ALDH1A2: variants seen among roughly 807,000 people sequenced by gnomAD.
The protein encoded by ALDH1A2 is aldehyde dehydrogenase 1 family member A2.
A neutral mutation model predicts 60.3 loss-of-function variants in ALDH1A2; 27 were observed. The ratio of observed to expected loss-of-function variants is 0.45; its 90% CI spans 0.33 to 0.62. ALDH1A2 has a LOEUF of 0.62. ALDH1A2 is among the 20% of genes least tolerant of loss of function. ALDH1A2 has a pLI of 0.02. For synonymous variants in ALDH1A2, 289 were observed against 232.4 expected (o/e 1.24, Z -2.21); for missense variants, 581 against 643.8 (o/e 0.90, Z 1.06).
In ALDH1A2 at chr15:58,065,699, G is replaced by A. The variant is rs749762857; in HGVS notation, c.-49C>T. 1.3e-5 allele frequency: 17 copies of A among 1,336,004 alleles called. No individual in the cohort carries two copies. Among genetic ancestry groups the A allele is most frequent in the Non-Finnish European group, 1.6e-5 (16 of 988,608 alleles). 82.8% of individuals were successfully genotyped at this position (1,336,004 alleles called of 1,614,324 possible). ...CCCGCGGCGTGGGGCAGTGCGGGCT[G>A]TGCGCGCGGTCCGCGGCCCGGGGGC... On this transcript the variant is annotated 5_prime_UTR_variant, in exon 1 of 13. Transcript: ENST00000249750.
chr15:58,051,191 C>T (rs1423952648), intron 1 of ALDH1A2, among the ~76,000 whole-genome samples: 1 of 152,038 alleles, frequency 6.6e-6, no homozygotes, highest in Non-Finnish European at 1.5e-5. Flanking sequence ...CCTCTTACCC[C>T]AGGAACTGGA....
chr15:57,963,931 C>CG lies in ALDH1A2; in HGVS notation c.1039dup (p.Arg347ProfsTer8). 1 of 1,614,144 alleles carries CG rather than the reference C, an allele frequency of 6.2e-7. No homozygotes were observed. The highest frequency in any genetic ancestry group is 8.5e-7 in the Non-Finnish European group (1 of 1,179,998). ...GGGGTCAAAGGGACTCCCCACTACG[C>CG]GCCTCTTGGCCCGCTCCACGCTTCT... On this transcript the variant is annotated frameshift_variant, in exon 9 of 13. Transcript: ENST00000249750. LOFTEE classifies it high-confidence loss of function.
At chr15:57,976,142 G>A (rs779248946) in intron 7 of ALDH1A2, among the ~76,000 whole-genome samples, 3 of 152,090 alleles carry the variant, frequency 2.0e-5, no homozygotes, top group African/African-American at 4.8e-5. Context: ...AGGAAACTAC[G>A]TAACATTTTT....
intron 7 of ALDH1A2, among the ~76,000 whole-genome samples, chr15:57,981,916 G>A (rs1313527175): frequency 6.6e-6 from 1 of 152,182 alleles, no homozygotes; most frequent in Non-Finnish European, 1.5e-5. Context: ...CAGTTCGAGA[G>A]GCTGGGAAGT....
At chr15:58,034,898 T>C (rs1419477007) in intron 1 of ALDH1A2, among the ~76,000 whole-genome samples, 1 of 151,684 alleles carries the variant, frequency 6.6e-6, no homozygotes, top group East Asian at 1.9e-4. Context: ...GATTTTTGCA[T>C]CTATGTTCAT....
chr15:58,026,810 C>T (rs750650558), intron 1 of ALDH1A2, among the ~76,000 whole-genome samples: 90 of 152,286 alleles, frequency 5.9e-4, no homozygotes, highest in Non-Finnish European at 9.4e-4. Flanking sequence ...GCAGCCTGGT[C>T]GGAGGAGGGG....
At chr15:58,014,552 A>C (rs920253676) in intron 1 of ALDH1A2, 10 of 505,694 alleles carry the variant, frequency 2.0e-5, no homozygotes, top group Non-Finnish European at 3.1e-5. Context: ...AGAGTGTCTC[A>C]CATACATACA....
intron 4 of ALDH1A2, among the ~76,000 whole-genome samples, chr15:58,008,586 T>A (rs1213665670): frequency 2.0e-5 from 3 of 152,108 alleles, no homozygotes; most frequent in Non-Finnish European, 2.9e-5. Context: ...TTAGGCCAAA[T>A]AGAGATCTAT....
intron 1 of ALDH1A2, among the ~76,000 whole-genome samples, chr15:58,023,335 A>AT (rs770370147): frequency 6.6e-6 from 1 of 152,250 alleles, no homozygotes; most frequent in East Asian, 1.9e-4. Context: ...ACTTGGGACA[A>AT]TTTTAAAGTG....
chr15:57,992,957 G>T lies in ALDH1A2; in HGVS notation c.672C>A (p.Ala224=), dbSNP rs116291924. ...CCGTTTCTCTTACCTCCTTGATGAG[G>T]GCTCCCATGTAGAGTGCACTGAGTG... is the stretch of plus-strand genomic sequence containing the variant. ...QTPLSALYMG[A]LIKEAGFPPG... Residue 224 remains alanine, a synonymous_variant, in exon 6 of 13, where the codon GCC becomes GCA. Transcript: ENST00000249750. 2.3e-4 allele frequency: 367 copies of T among 1,614,032 alleles called. 12 individuals are homozygous for T. The South Asian group carries it at 3.1e-3, about 14-fold the overall frequency.
At chr15:58,043,696 C>A (rs1896573231) in intron 1 of ALDH1A2, among the ~76,000 whole-genome samples, 1 of 151,978 alleles carries the variant, frequency 6.6e-6, no homozygotes, top group African/African-American at 2.4e-5. Context: ...GCCAAGTCAT[C>A]ACCAAGAACA....
intron 1 of ALDH1A2, among the ~76,000 whole-genome samples, chr15:58,023,374 A>G (rs1393971267): frequency 6.6e-6 from 1 of 152,236 alleles, no homozygotes. Flanking sequence ...TAGTATAATC[A>G]AGAAACAAGA....
intron 7 of ALDH1A2, among the ~76,000 whole-genome samples, chr15:57,972,898 G>A (rs570504158): frequency 1.2e-4 from 18 of 152,268 alleles, no homozygotes; most frequent in Non-Finnish European, 2.9e-5. Context: ...CCTAAAATGA[G>A]GGGTGAAGCT....
intron 1 of ALDH1A2, among the ~76,000 whole-genome samples, chr15:58,039,013 G>C (rs1207426048): frequency 1.3e-5 from 2 of 151,722 alleles, no homozygotes; most frequent in Non-Finnish European, 2.9e-5. Flanking sequence ...TCCTGTGTCA[G>C]GTAGTACCAT....
At chr15:58,064,969 C>T (rs1395642599) in intron 1 of ALDH1A2, among the ~76,000 whole-genome samples, 1 of 152,218 alleles carries the variant, frequency 6.6e-6, no homozygotes, top group Non-Finnish European at 1.5e-5. Flanking sequence ...ACATGAAACG[C>T]TGACGTTGGA....
chr15:57,976,825 T>C (rs1330917414), intron 7 of ALDH1A2, among the ~76,000 whole-genome samples: 2 of 152,322 alleles, frequency 1.3e-5, no homozygotes, highest in East Asian at 3.9e-4. Flanking sequence ...TTCTAGATCC[T>C]TGAGGAATTG....
chr15:57,980,056 G>C (rs1894434419), intron 7 of ALDH1A2: 3 of 316,806 alleles, frequency 9.5e-6, no homozygotes, highest in African/African-American at 6.5e-5. Context: ...GGGGGGGCAG[G>C]ATGTGATTCT....
intron 7 of ALDH1A2, among the ~76,000 whole-genome samples, chr15:57,974,155 T>C (rs201504472): frequency 6.6e-6 from 1 of 151,972 alleles, no homozygotes; most frequent in Non-Finnish European, 1.5e-5. Flanking sequence ...AATAGACCCA[T>C]ATAGGGCCGG....
At chr15:58,022,209 G>A (rs897791786) in intron 1 of ALDH1A2, among the ~76,000 whole-genome samples, 5 of 152,102 alleles carry the variant, frequency 3.3e-5, no homozygotes, top group Non-Finnish European at 5.9e-5. Flanking sequence ...CCCCATTCCC[G>A]AGACAGAGCA....
Sources: gnomAD v4.1 joint callset for allele counts (sites outside exome capture counted in the v4.1 genomes callset) on GRCh38, gnomAD v4.1.1 for gene constraint, MANE v1.5 for transcripts, NCBI Gene and HGNC (gene_info 2026-07-23, HGNC 2026-07-21) for gene names.